STRN: variants seen among roughly 807,000 people sequenced by gnomAD.
STRN encodes the protein protein phosphatase 2 regulatory subunit B'''alpha.
Under a neutral mutation model 96.3 loss-of-function variants are expected in STRN, and 53 were observed. The ratio of observed to expected loss-of-function variants is 0.55; its 90% CI spans 0.44 to 0.69. The LOEUF (loss-of-function observed/expected upper bound fraction) is 0.69, where lower values mean the gene tolerates loss of function less well. Among genes scored for constraint, STRN ranks in the 30% least tolerant of loss-of-function variants. STRN has a pLI of 0.00. For missense variants in STRN, 987 were observed against 963.9 expected (o/e 1.02, Z -0.32); for synonymous variants, 428 against 355.9 (o/e 1.20, Z -2.28).
In STRN at chr2:36,877,933, T is replaced by C. The variant is rs751075859; in HGVS notation, c.1281A>G (p.Ala427=). Residue 427 remains alanine, a synonymous_variant, in exon 10 of 18, where the codon GCA becomes GCG. Transcript: ENST00000263918. The part of the protein sequence containing the change: ...LESELGLGEL[A]GLTVANEADS... ...CTGCTTCATTGGCCACCGTAAGGCC[T>C]GCTAGTTCTCCAAGTCCCAGTTCAC... 14 of 1,614,214 alleles carry C rather than the reference T, an allele frequency of 8.7e-6. No individual in the cohort carries two copies. The highest frequency in any genetic ancestry group is 1.2e-5 in the Non-Finnish European group (14 of 1,180,028).
At chr2:36,880,852 G>A (rs1049795553) in intron 9 of STRN, among the ~76,000 whole-genome samples, 3 of 152,120 alleles carry the variant, frequency 2.0e-5, no homozygotes, top group African/African-American at 7.2e-5. Context: ...TCTAACTACT[G>A]CTCTACAAAT....
intron 1 of STRN, among the ~76,000 whole-genome samples, chr2:36,951,462 G>T (rs1373696956): frequency 6.6e-6 from 1 of 152,170 alleles, no homozygotes; most frequent in Non-Finnish European, 1.5e-5. Context: ...AGCAGCAAAA[G>T]GGACAGATAC....
intron 13 of STRN, among the ~76,000 whole-genome samples, chr2:36,858,829 C>A (rs1668411941): frequency 1.3e-5 from 2 of 152,100 alleles, no homozygotes; most frequent in African/African-American, 4.8e-5. Context: ...TGATTAATAC[C>A]CAATTCTATC....
chr2:36,965,923 G>A (rs1291727431), intron 1 of STRN, among the ~76,000 whole-genome samples: 1 of 152,154 alleles, frequency 6.6e-6, no homozygotes, highest in African/African-American at 2.4e-5. Flanking sequence ...AAACCGAGAG[G>A]GCAGCCCTGA....
Position 36,965,271 on chromosome 2 carries a change from A to C in STRN, c.234+959T>G, listed in dbSNP as rs142592827. On this transcript the variant is annotated intron_variant, in intron 1 of 17. Coordinates refer to ENST00000263918, the MANE Select transcript of STRN (RefSeq NM_003162.4). ...AAGGCACAACTATTCATAGTTCTTT[A>C]AGTTCCTTTTGAAATTGGTGTGTAT... 6.1e-3 allele frequency among the ~76,000 whole-genome samples: 925 copies of C among 152,344 alleles called. 2 individuals carry two copies. Among genetic ancestry groups the C allele is most frequent in the Non-Finnish European group, 1.0e-2 (680 of 68,020 alleles).
chr2:36,933,161 C>A (rs1396676693), intron 1 of STRN, among the ~76,000 whole-genome samples: 2 of 151,880 alleles, frequency 1.3e-5, no homozygotes, highest in African/African-American at 4.8e-5. Flanking sequence ...CAAAAACATT[C>A]AATAAACAAT....
intron 1 of STRN, among the ~76,000 whole-genome samples, chr2:36,949,120 T>C (rs1033348808): frequency 1.3e-5 from 2 of 152,196 alleles, no homozygotes; most frequent in Non-Finnish European, 1.5e-5. Context: ...TACACAAATA[T>C]TCGTCTTGTG....
In STRN at chr2:36,932,913, T is replaced by C. The variant is rs150791612; in HGVS notation, c.235-7705A>G. Among the ~76,000 whole-genome samples, 1,144 of 152,260 alleles carry C rather than the reference T, an allele frequency of 7.5e-3. 20 individuals are homozygous for C. The highest frequency in any genetic ancestry group is 0.026 in the African/African-American group (1,092 of 41,542). On this transcript the variant is annotated intron_variant, in intron 1 of 17. Transcript: ENST00000263918. Reference sequence around the variant, plus strand: ...ATGGCAGCTTATAAATAAATGTACATCAGTAGGTTTCTTGAGATCCCAAAG... The same window carrying C: ...ATGGCAGCTTATAAATAAATGTACACCAGTAGGTTTCTTGAGATCCCAAAG...
At chr2:36,922,942 G>C (rs1231508190) in intron 2 of STRN, among the ~76,000 whole-genome samples, 5 of 151,774 alleles carry the variant, frequency 3.3e-5, no homozygotes, top group East Asian at 3.9e-4. Flanking sequence ...AAGAGATCGA[G>C]ACCATCCCAG....
intron 2 of STRN, among the ~76,000 whole-genome samples, chr2:36,916,616 G>T (rs1363578804): frequency 6.6e-6 from 1 of 152,008 alleles, no homozygotes; most frequent in East Asian, 1.9e-4. Flanking sequence ...AGATAATCAT[G>T]ATTTGCCAAA....
chr2:36,892,895 C>T (rs1484324131), intron 7 of STRN, among the ~76,000 whole-genome samples: 2 of 151,998 alleles, frequency 1.3e-5, no homozygotes, highest in Non-Finnish European at 2.9e-5. Context: ...GTGGCGCACA[C>T]TGTAGTCCCA....
intron 2 of STRN, among the ~76,000 whole-genome samples, chr2:36,917,031 C>A (rs1180029410): frequency 3.0e-5 from 4 of 132,236 alleles, no homozygotes; most frequent in Admixed American, 7.5e-5. Flanking sequence ...GAGAAACACC[C>A]AAGAATGATC....
At position 36,920,095 on chromosome 2, in the gene STRN, G is replaced by T. The variant is rs1297238539; in HGVS notation, c.339-3944C>A. Among the ~76,000 whole-genome samples the T allele has an allele frequency of 3.3e-5, 5 of 151,918 alleles. No homozygotes were observed. In the East Asian group the frequency reaches 9.6e-4, roughly 29 times the overall value. On this transcript the variant is annotated intron_variant, in intron 2 of 17. Transcript: ENST00000263918. ...ATTTACAGCTGAAATGAATTACAAG[G>T]TATCTGGAATTGCATTAAAATAGAT... is the stretch of plus-strand genomic sequence containing the variant.
In STRN at chr2:36,869,698, G is replaced by A; in HGVS notation, c.1355C>T (p.Thr452Ile). ...TCTCAATGTAAACTTAGGGTTCCAT[G>A]TCTTCCTCAATGCATCTTTATTGTT... ...IANNKDALRK[T>I]WNPKFTLRSH... is the part of the protein sequence containing the mutation. Residue 452 changes from threonine to isoleucine, a missense_variant, in exon 11 of 18, where the codon ACA (threonine) becomes ATA (isoleucine). Transcript: ENST00000263918. 1 of 1,607,962 alleles carries A rather than the reference G, an allele frequency of 6.2e-7. No individual in the cohort carries two copies. Among genetic ancestry groups the A allele is most frequent in the Non-Finnish European group, 8.5e-7 (1 of 1,177,692 alleles).
intron 1 of STRN, among the ~76,000 whole-genome samples, chr2:36,956,350 T>G (rs1664887511): frequency 6.6e-6 from 1 of 152,134 alleles, no homozygotes; most frequent in Non-Finnish European, 1.5e-5. Context: ...TCACCCACAT[T>G]TACAAAAATG....
chr2:36,897,098 C>T (rs1036347480), intron 6 of STRN, among the ~76,000 whole-genome samples: 8 of 151,520 alleles, frequency 5.3e-5, no homozygotes, highest in African/African-American at 1.7e-4. Context: ...ACCCAGGAGG[C>T]GGAGGTTGCA....
intron 1 of STRN, among the ~76,000 whole-genome samples, chr2:36,937,400 G>T (rs1670731438): frequency 1.3e-5 from 2 of 151,712 alleles, no homozygotes; most frequent in African/African-American, 4.8e-5. Flanking sequence ...CGGGCATAAT[G>T]GCTCAAGCCT....
chr2:36,957,353 G>A (rs369065544), intron 1 of STRN, among the ~76,000 whole-genome samples: 36 of 152,262 alleles, frequency 2.4e-4, no homozygotes, highest in East Asian at 1.7e-3. Flanking sequence ...TTTGGGAGGC[G>A]GAGGCGGGCA....
intron 10 of STRN, among the ~76,000 whole-genome samples, chr2:36,877,225 G>C (rs897767222): frequency 6.6e-6 from 1 of 152,132 alleles, no homozygotes; most frequent in Non-Finnish European, 1.5e-5. Context: ...ATATTGACTA[G>C]TGTACTAAAG....
Sources: gnomAD v4.1 joint callset for allele counts (sites outside exome capture counted in the v4.1 genomes callset) on GRCh38, gnomAD v4.1.1 for gene constraint, MANE v1.5 for transcripts, NCBI Gene and HGNC (gene_info 2026-07-23, HGNC 2026-07-21) for gene names.